SERPINB7: variants seen among roughly 807,000 people sequenced by gnomAD.
The protein encoded by SERPINB7 is serpin family B member 7, also known as serpin B7.
SERPINB7 carries 31 observed loss-of-function variants against 37.4 expected under a neutral mutation model. That is an observed-to-expected ratio of 0.83 (90% CI 0.62 to 1.12). The LOEUF (loss-of-function observed/expected upper bound fraction) is 1.12, where lower values mean the gene tolerates loss of function less well. Ranked by LOEUF, SERPINB7 falls within the 50% of genes most tolerant of loss-of-function variation. The pLI is 0.00. For missense variants in SERPINB7, 521 were observed against 455.3 expected, an observed-to-expected ratio of 1.14 and a Z score of -1.31; for synonymous variants, 163 against 166.1, an observed-to-expected ratio of 0.98 and a Z score of 0.14.
intron 1 of SERPINB7, among the ~76,000 whole-genome samples, chr18:63,776,224 A>T (rs564116585): frequency 1.3e-5 from 2 of 152,174 alleles, no homozygotes; most frequent in African/African-American, 4.8e-5. Context: ...CTACATAAAG[A>T]TGAATTCAAT....
chr18:63,787,639 G>A (rs188041577), intron 2 of SERPINB7, among the ~76,000 whole-genome samples: 2 of 151,890 alleles, frequency 1.3e-5, no homozygotes, highest in Admixed American at 6.6e-5. Flanking sequence ...CTTTCCAATG[G>A]TAGCTTTAGG....
chr18:63,760,360 T>C (rs1000761068), intron 1 of SERPINB7, among the ~76,000 whole-genome samples: 1 of 152,170 alleles, frequency 6.6e-6, no homozygotes, highest in African/African-American at 2.4e-5. Flanking sequence ...ATTCGAGAGG[T>C]GACTTGGGTA....
chr18:63,754,203 A>AT (rs2049107596), intron 1 of SERPINB7, among the ~76,000 whole-genome samples: 1 of 152,218 alleles, frequency 6.6e-6, no homozygotes, highest in South Asian at 2.1e-4. Flanking sequence ...ATTCTGGAAG[A>AT]TTTTTTAAAG....
intron 2 of SERPINB7, among the ~76,000 whole-genome samples, chr18:63,791,375 T>A (rs781519553): frequency 2.4e-4 from 36 of 152,198 alleles, no homozygotes; most frequent in Non-Finnish European, 3.4e-4. Context: ...TTGCATAAAA[T>A]GACATTTCAA....
intron 2 of SERPINB7, 73 bp downstream of exon 2, chr18:63,782,613 C>T: frequency 7.0e-7 from 1 of 1,430,626 alleles, no homozygotes. Context: ...TTGCAATGGT[C>T]CCCATGTTAA....
intron 1 of SERPINB7, among the ~76,000 whole-genome samples, chr18:63,755,629 A>G (rs1056363894): frequency 3.3e-5 from 5 of 152,186 alleles, no homozygotes; most frequent in Non-Finnish European, 4.4e-5. Context: ...TCAGTGACTC[A>G]GTCCTGTAAC....
chr18:63,780,369 T>A (rs1439967578), intron 1 of SERPINB7, among the ~76,000 whole-genome samples: 1 of 152,188 alleles, frequency 6.6e-6, no homozygotes, highest in Non-Finnish European at 1.5e-5. Flanking sequence ...AATTTTGATC[T>A]TATTTTTTCA....
chr18:63,797,465 T>A (rs1286333533), intron 5 of SERPINB7, among the ~76,000 whole-genome samples: 3 of 152,214 alleles, frequency 2.0e-5, no homozygotes, highest in African/African-American at 4.8e-5. Flanking sequence ...GGGATTCTAT[T>A]TAATATTTAA....
rs377196847 is a variant in SERPINB7 at position 63,804,403 on chromosome 18, A to T, written c.911A>T (p.Lys304Ile). The T allele has an allele frequency of 1.2e-6, 2 of 1,613,678 alleles. No individual in the cohort carries two copies. The highest frequency in any genetic ancestry group is 1.7e-6 in the Non-Finnish European group (2 of 1,179,854). ...CTGAAAGATATCTTTGATGAATCCA[A>T]AGCAGATCTCTCTGGGATTGCTTCG... is the stretch of plus-strand genomic sequence containing the variant. ...LGLKDIFDES[K>I]ADLSGIASGG... The change falls in exon 8 of 8, where the codon AAA (lysine) becomes ATA (isoleucine). Residue 304 changes from lysine (K) to isoleucine (I), a missense_variant. Transcript: ENST00000398019.
intron 5 of SERPINB7, among the ~76,000 whole-genome samples, chr18:63,798,260 T>C (rs2049508878): frequency 3.9e-5 from 6 of 152,218 alleles, no homozygotes; most frequent in Admixed American, 3.9e-4. Context: ...GGCACTTTGG[T>C]ACCTATGAGC....
In SERPINB7 at chr18:63,792,415, C is replaced by T; in HGVS notation, c.191C>T (p.Ser64Leu). ...IDKLLHVNTA[S>L]GYGNSSNSQS... is the part of the protein sequence containing the mutation. ...CAGTTGCTTCATGTTAACACTGCCTCAGGATATGGAAACTCTTCTAATAGT... is the reference window on the plus strand; with the variant it reads ...CAGTTGCTTCATGTTAACACTGCCTTAGGATATGGAAACTCTTCTAATAGT... The change falls in exon 3 of 8, where the codon TCA (serine) becomes TTA (leucine). Residue 64 changes from serine (S) to leucine (L), a missense_variant. Physicochemically the swap from Ser to Leu is moderately radical, Grantham distance 145. Coordinates refer to ENST00000398019, the MANE Select transcript of SERPINB7 (RefSeq NM_003784.4). 6.2e-7 allele frequency: 1 copy of T among 1,605,036 alleles called. No individual in the cohort carries two copies. The highest frequency in any genetic ancestry group is 8.5e-7 in the Non-Finnish European group (1 of 1,171,918).
chr18:63,789,719 T>C (rs1303962302), intron 2 of SERPINB7, among the ~76,000 whole-genome samples: 1 of 152,224 alleles, frequency 6.6e-6, no homozygotes, highest in South Asian at 2.1e-4. Flanking sequence ...TATTCTATTT[T>C]CAAGTAGAGA....
intron 1 of SERPINB7, among the ~76,000 whole-genome samples, chr18:63,754,063 A>G (rs1163301271): frequency 3.9e-5 from 6 of 152,250 alleles, no homozygotes; most frequent in Admixed American, 3.9e-4. Flanking sequence ...GTATTTAATC[A>G]TAGTTGTATC....
At chr18:63,759,150 C>T (rs571111199) in intron 1 of SERPINB7, among the ~76,000 whole-genome samples, 1 of 152,078 alleles carries the variant, frequency 6.6e-6, no homozygotes, top group East Asian at 1.9e-4. Flanking sequence ...GTATCCTATC[C>T]TATCTTATAT....
rs990930820 is a variant in SERPINB7 at position 63,800,888 on chromosome 18, T to C, written c.620T>C (p.Met207Thr). The C allele has an allele frequency of 9.9e-6, 16 of 1,613,738 alleles. No individual in the cohort carries two copies. The highest frequency in any genetic ancestry group is 4.5e-5 in the East Asian group (2 of 44,880). The change falls in exon 7 of 8, where the codon ATG becomes ACG. Residue 207 changes from methionine to threonine, a missense_variant. By Grantham distance (81) the Met-to-Thr change is moderately conservative. Transcript: ENST00000398019. ...CAGTGCTCTGGGAAGGCAGTCGCCA[T>C]GATGCATCAGGAACGGAAGTTCAAT... ...SPKCSGKAVA[M>T]MHQERKFNLS...
Position 63,796,157 on chromosome 18 carries a change from G to T in SERPINB7, c.337-109G>T. Reference sequence around the variant, plus strand: ...TATTTACATACTCATTTTTGAGGCAGAGTTGAACCTTTGAATAAAGCAGTC... The same window carrying T: ...TATTTACATACTCATTTTTGAGGCATAGTTGAACCTTTGAATAAAGCAGTC... On this transcript the variant is annotated intron_variant, in intron 4 of 7. Transcript: ENST00000398019. 1 of 602,254 alleles carries T rather than the reference G, an allele frequency of 1.7e-6. No homozygotes were observed. 37.3% of individuals were successfully genotyped at this position (602,254 alleles called of 1,614,324 possible).
intron 2 of SERPINB7, among the ~76,000 whole-genome samples, chr18:63,786,939 A>G (rs1394426401): frequency 6.6e-6 from 1 of 152,108 alleles, no homozygotes; most frequent in Non-Finnish European, 1.5e-5. Context: ...CCTGGGACCA[A>G]GTGTTTTGGA....
chr18:63,764,604 C>A (rs192685803), intron 1 of SERPINB7, among the ~76,000 whole-genome samples: 5 of 151,816 alleles, frequency 3.3e-5, no homozygotes, highest in Admixed American at 1.3e-4. Flanking sequence ...GTATTTCTCT[C>A]GAAAAATAAA....
At chr18:63,802,896 A>C (rs1309838746) in intron 7 of SERPINB7, among the ~76,000 whole-genome samples, 2 of 152,232 alleles carry the variant, frequency 1.3e-5, no homozygotes, top group Non-Finnish European at 2.9e-5. Flanking sequence ...AGCAAGAGAA[A>C]TGTCATAAAA....
Sources: gnomAD v4.1 joint callset for allele counts (sites outside exome capture counted in the v4.1 genomes callset) on GRCh38, gnomAD v4.1.1 for gene constraint, MANE v1.5 for transcripts, NCBI Gene and HGNC (gene_info 2026-07-23, HGNC 2026-07-21) for gene names.